The following DOK2 variants were observed in gnomAD, a reference collection of about 807,000 sequenced individuals.
DOK2 encodes the protein docking protein 2, 56kD.
DOK2 carries 28 observed loss-of-function variants against 26.0 expected under a neutral mutation model. The ratio of observed to expected loss-of-function variants is 1.08; its 90% CI spans 0.80 to 1.48. The LOEUF (loss-of-function observed/expected upper bound fraction) is 1.48, where lower values mean the gene tolerates loss of function less well. DOK2 is among the 40% of genes most tolerant of loss of function. The probability of loss-of-function intolerance (pLI) is 0.00; values close to 1 mark genes in which losing one functional copy is unlikely to be tolerated. For missense variants in DOK2, 682 were observed against 558.2 expected (o/e 1.22, Z -2.23); for synonymous variants, 282 against 236.9 (o/e 1.19, Z -1.75).
Position 21,909,253 on chromosome 8 carries a change from C to G in DOK2, c.*58G>C. ...AGAGGAGGTTCTTCTGATGCAGTGG[C>G]CAGGAGGAGTCACCAGCAGAAGCCA... On this transcript the variant is annotated 3_prime_UTR_variant, in exon 5 of 5. Transcript: ENST00000276420. 3 of 1,510,544 alleles carry G rather than the reference C, an allele frequency of 2.0e-6. No homozygotes were observed. Among genetic ancestry groups the G allele is most frequent in the Non-Finnish European group, 1.8e-6 (2 of 1,130,250 alleles). The allele number at this position is 1,510,544 out of a possible 1,614,324, so 93.6% of individuals were successfully genotyped here.
At position 21,909,575 on chromosome 8, in the gene DOK2, C is replaced by T; in HGVS notation, c.975G>A (p.Leu325=). 6.2e-7 allele frequency: 1 copy of T among 1,614,102 alleles called. No individual in the cohort carries two copies. Among genetic ancestry groups the T allele is most frequent in the South Asian group, 1.1e-5 (1 of 91,084 alleles). Residue 325 remains leucine (L), a synonymous_variant, in exon 5 of 5, where the codon CTG becomes CTA. Transcript: ENST00000276420. ...CAATGCTGTCGTACAGAGGGTCGGC[C>T]AGGAGCTGAGGAGGGACTGCCAAGA... ...RGILAVPPQL[L]ADPLYDSIEE...
chr8:21,911,370 G>T (rs1325256807), intron 3 of DOK2, among the ~76,000 whole-genome samples: 1 of 152,204 alleles, frequency 6.6e-6, no homozygotes, highest in Non-Finnish European at 1.5e-5. Flanking sequence ...ACTTTGGGAG[G>T]CTGAGGCAGG....
intron 4 of DOK2, 129 bp from the exon 5 acceptor site, chr8:21,910,060 C>T: frequency 9.4e-7 from 1 of 1,060,942 alleles, no homozygotes; most frequent in Non-Finnish European, 1.3e-6. Context: ...CAGCTCACTG[C>T]AACCTCCGCC....
Position 21,913,543 on chromosome 8 carries a change from C to G in DOK2, c.59G>C (p.Gly20Ala), listed in dbSNP as rs1157982032. 1.2e-6 allele frequency: 2 copies of G among 1,614,106 alleles called. No homozygotes were observed. Among genetic ancestry groups the G allele is most frequent in the Non-Finnish European group, 1.7e-6 (2 of 1,180,020 alleles). ...CCAGCCCAGCCTCACTCCTACCTTT[C>G]CAAACGTCTGCTGCTGCTGAAGATA... is the stretch of plus-strand genomic sequence containing the variant. ...FLYLQQQQTF[G>A]KKWRRFGASL... is the part of the protein sequence containing the mutation. Residue 20 changes from glycine to alanine, a missense_variant, in exon 1 of 5, where the codon GGA becomes GCA. Coordinates refer to ENST00000276420, the MANE Select transcript of DOK2 (RefSeq NM_003974.4).
chr8:21,909,508 G>A lies in DOK2; in HGVS notation c.1042C>T (p.Pro348Ser). Residue 348 changes from proline to serine, a missense_variant, in exon 5 of 5, where the codon CCC becomes TCC. By Grantham distance (74) the Pro-to-Ser change is moderately conservative. Transcript: ENST00000276420. The part of the protein sequence containing the change: ...PPRPDHIYDE[P>S]EGVAALSLYD... Reference sequence around the variant, plus strand: ...AGGGACAGGGCAGCCACTCCCTCGGGCTCATCGTATATGTGGTCAGGTCGA... The same window carrying A: ...AGGGACAGGGCAGCCACTCCCTCGGACTCATCGTATATGTGGTCAGGTCGA... 1 of 1,614,168 alleles carries A rather than the reference G, an allele frequency of 6.2e-7. No homozygotes were observed. Among genetic ancestry groups the A allele is most frequent in the Non-Finnish European group, 8.5e-7 (1 of 1,180,040 alleles).
chr8:21,912,721 C>T (rs1809908662), intron 1 of DOK2, among the ~76,000 whole-genome samples: 1 of 152,172 alleles, frequency 6.6e-6, no homozygotes, highest in Admixed American at 6.5e-5. Context: ...GCCGCCAGCC[C>T]CGAGAAGGAG....
At position 21,909,914 on chromosome 8, in the gene DOK2, C is replaced by T. The variant is rs1276207773; in HGVS notation, c.636G>A (p.Glu212=). The part of the protein sequence containing the change: ...FGRDKVTFSF[E]AGRRCVSGEG... ...CTCCAGAGACGCAGCGACGGCCTGC[C>T]TCAAAGGAAAAGGTTACCTGGACCA... The change falls in exon 5 of 5, where the codon GAG becomes GAA. Residue 212 remains glutamate, a synonymous_variant. Transcript: ENST00000276420. The T allele has an allele frequency of 1.2e-6, 2 of 1,610,454 alleles. No homozygotes were observed. The highest frequency in any genetic ancestry group is 1.1e-5 in the South Asian group (1 of 91,056).
chr8:21,910,779 G>A lies in DOK2; in HGVS notation c.512C>T (p.Thr171Ile). The change falls in exon 4 of 5, where the codon ACC becomes ATC. Residue 171 changes from threonine to isoleucine, a missense_variant. Coordinates refer to ENST00000276420, the MANE Select transcript of DOK2 (RefSeq NM_003974.4). The stretch of plus-strand genomic sequence containing the variant: ...CAGGGCACTCTCCCCAGCCCGGAGG[G>A]TATAGGACCCCCGCAGGTGGCACCT... ...SERCHLRGSY[T>I]LRAGESALEL... The A allele has an allele frequency of 2.5e-6, 4 of 1,613,946 alleles. No individual in the cohort carries two copies. The highest frequency in any genetic ancestry group is 3.4e-6 in the Non-Finnish European group (4 of 1,179,952).
At chr8:21,912,698 A>C in intron 1 of DOK2, 188 bp from the exon 2 acceptor site, 2 of 612,244 alleles carry the variant, frequency 3.3e-6, no homozygotes, top group Non-Finnish European at 2.7e-6. Flanking sequence ...AGGAATTAGA[A>C]AATCGGAGAT....
chr8:21,909,573 G>T lies in DOK2; in HGVS notation c.977C>A (p.Ala326Asp). 2 of 1,614,114 alleles carry T rather than the reference G, an allele frequency of 1.2e-6. No individual in the cohort carries two copies. The highest frequency in any genetic ancestry group is 1.7e-6 in the Non-Finnish European group (2 of 1,180,038). The change falls in exon 5 of 5, where the codon GCC becomes GAC. Residue 326 changes from alanine to aspartate, a missense_variant. By Grantham distance (126) the Ala-to-Asp change is moderately radical (BLOSUM62 -2). Transcript: ENST00000276420. The stretch of plus-strand genomic sequence containing the variant: ...CTCAATGCTGTCGTACAGAGGGTCG[G>T]CCAGGAGCTGAGGAGGGACTGCCAA... The part of the protein sequence containing the change: ...GILAVPPQLL[A>D]DPLYDSIEET...
At position 21,909,517 on chromosome 8, in the gene DOK2, A is replaced by G. The variant is rs1225385135; in HGVS notation, c.1033T>C (p.Tyr345His). The change falls in exon 5 of 5, where the codon TAC becomes CAC. Residue 345 changes from tyrosine (Y) to histidine (H), a missense_variant. By Grantham distance (83) the Tyr-to-His change is moderately conservative. Transcript: ENST00000276420. ...ETLPPRPDHI[Y>H]DEPEGVAALS... ...GCAGCCACTCCCTCGGGCTCATCGT[A>G]TATGTGGTCAGGTCGAGGGGGCAGG... 1.6e-5 allele frequency: 26 copies of G among 1,613,956 alleles called. No individual in the cohort carries two copies. Among genetic ancestry groups the G allele is most frequent in the East Asian group, 2.2e-5 (1 of 44,874 alleles).
At chr8:21,910,590 C>A in intron 4 of DOK2, 83 bp downstream of exon 4, 2 of 1,544,338 alleles carry the variant, frequency 1.3e-6, no homozygotes, top group Non-Finnish European at 1.8e-6. Context: ...CCTGGTCTCT[C>A]CCATCCCCTC....
chr8:21,911,671 C>T (rs2117206159), intron 3 of DOK2, among the ~76,000 whole-genome samples: 1 of 152,286 alleles, frequency 6.6e-6, no homozygotes, highest in South Asian at 2.1e-4. Context: ...CACCAGCAGG[C>T]CCTAGGTAAG....
chr8:21,910,003 GAC>G, intron 4 of DOK2, 72 bp from the exon 5 acceptor site: 1 of 1,399,592 alleles, frequency 7.1e-7, no homozygotes, highest in Non-Finnish European at 9.6e-7. Context: ...TTTTTTTGGA[GAC>G]AGAGTCTCAC....
chr8:21,909,159 G>C lies in DOK2; in HGVS notation c.*152C>G, dbSNP rs1809710880. 1.1e-6 allele frequency: 1 copy of C among 897,514 alleles called. No individual in the cohort carries two copies. Among genetic ancestry groups the C allele is most frequent in the Admixed American group, 2.6e-5 (1 of 38,518 alleles). 55.6% of individuals were successfully genotyped at this position (897,514 alleles called of 1,614,324 possible). A position where few individuals can be genotyped will look rare whatever the true frequency, so the allele number is the denominator to read the frequency against. On this transcript the variant is annotated 3_prime_UTR_variant, in exon 5 of 5. Transcript: ENST00000276420. ...CTGCTTTGGGATGGTGACTCACCCA[G>C]CAGGCCCTGGGAGAGGCAATTTATC...
chr8:21,911,594 G>C (rs577018444), intron 3 of DOK2, among the ~76,000 whole-genome samples: 2 of 152,258 alleles, frequency 1.3e-5, no homozygotes, highest in African/African-American at 4.8e-5. Context: ...AGCGACAAGA[G>C]CAAAACTCCG....
In DOK2 at chr8:21,909,193, C is replaced by A. The variant is rs904310494; in HGVS notation, c.*118G>T. 5 of 1,305,514 alleles carry A rather than the reference C, an allele frequency of 3.8e-6. No individual in the cohort carries two copies. Among genetic ancestry groups the A allele is most frequent in the Non-Finnish European group, 5.2e-6 (5 of 955,338 alleles). The allele number at this position is 1,305,514 out of a possible 1,614,324, so 80.9% of individuals were successfully genotyped here. A position where few individuals can be genotyped will look rare whatever the true frequency, so the allele number is the denominator to read the frequency against. On this transcript the variant is annotated 3_prime_UTR_variant, in exon 5 of 5. Transcript: ENST00000276420. The stretch of plus-strand genomic sequence containing the variant: ...GGGAGAGGCAATTTATCAGCCCCAA[C>A]GAAGACAGGCCAGGCCTCGGGCTCC...
chr8:21,912,142 T>C, intron 2 of DOK2, 87 bp downstream of exon 2: 1 of 1,475,022 alleles, frequency 6.8e-7, no homozygotes, highest in Non-Finnish European at 9.0e-7. Context: ...ACCCTGACCT[T>C]GACACCTGTA....
chr8:21,910,837 C>A lies in DOK2; in HGVS notation c.454G>T (p.Ala152Ser). 2 of 1,608,476 alleles carry A rather than the reference C, an allele frequency of 1.2e-6. No homozygotes were observed. The highest frequency in any genetic ancestry group is 1.7e-6 in the Non-Finnish European group (2 of 1,177,280). Residue 152 changes from alanine to serine, a missense_variant, in exon 4 of 5, where the codon GCT (alanine) becomes TCT (serine). By Grantham distance (99) the Ala-to-Ser change is moderately conservative. Transcript: ENST00000276420. ...GCTTCTGTAGGTCTCATGGTCACAG[C>A]AAATTCCTTGTGGGGGCCGACTGGG... ...AVTVGPHKEF[A>S]VTMRPTEASE... is the part of the protein sequence containing the mutation.
Sources: gnomAD v4.1 joint callset for allele counts (sites outside exome capture counted in the v4.1 genomes callset) on GRCh38, gnomAD v4.1.1 for gene constraint, MANE v1.5 for transcripts, NCBI Gene and HGNC (gene_info 2026-07-23, HGNC 2026-07-21) for gene names.